The following DPYD variants were observed in gnomAD, a reference collection of about 807,000 sequenced individuals.
The protein encoded by DPYD is dihydropyrimidine dehydrogenase.
DPYD carries 109 observed loss-of-function variants against 116.2 expected under a neutral mutation model. The observed-to-expected ratio is 0.94, with a 90% CI of 0.80 to 1.10. The LOEUF is 1.10. DPYD is among the 50% of genes least tolerant of loss of function. The probability of loss-of-function intolerance (pLI) is 0.00; values close to 1 mark genes in which losing one functional copy is unlikely to be tolerated. For missense variants in DPYD, 1,302 were observed against 1,254.5 expected, an observed-to-expected ratio of 1.04 and a Z score of -0.57; for synonymous variants, 440 against 432.0, an observed-to-expected ratio of 1.02 and a Z score of -0.23.
At chr1:97,364,208 T>A (rs74105109) in intron 16 of DPYD, among the ~76,000 whole-genome samples, 45,802 of 152,032 alleles carry the variant, frequency 0.3, 7,184 homozygotes, top group East Asian at 0.55. Flanking sequence ...AAAGAAAAAA[T>A]GTTGGCAAAG....
At chr1:97,871,191 T>C (rs1671642178) in intron 2 of DPYD, among the ~76,000 whole-genome samples, 1 of 151,928 alleles carries the variant, frequency 6.6e-6, no homozygotes, top group Non-Finnish European at 1.5e-5. Context: ...TCTGCTTTAT[T>C]ATATACTACT....
intron 1 of DPYD, among the ~76,000 whole-genome samples, chr1:97,914,633 A>G (rs557778483): frequency 1.6e-4 from 24 of 152,168 alleles, no homozygotes; most frequent in Non-Finnish European, 2.5e-4. Context: ...AATAGATGTG[A>G]ATAGTCATGT....
intron 14 of DPYD, among the ~76,000 whole-genome samples, chr1:97,387,496 TTTAA>T (rs1430742120): frequency 2.6e-5 from 4 of 152,092 alleles, no homozygotes; most frequent in Non-Finnish European, 5.9e-5. Flanking sequence ...AAAAAGATAC[TTTAA>T]TTGGACCATT....
chr1:97,291,995 T>C (rs1210897659), intron 18 of DPYD, among the ~76,000 whole-genome samples: 1 of 152,168 alleles, frequency 6.6e-6, no homozygotes, highest in African/African-American at 2.4e-5. Flanking sequence ...TACACAAAAT[T>C]ATAATGCGTT....
At chr1:97,681,952 C>A (rs1434114317) in intron 7 of DPYD, among the ~76,000 whole-genome samples, 1 of 152,062 alleles carries the variant, frequency 6.6e-6, no homozygotes, top group Admixed American at 6.6e-5. Context: ...TTCAGTGCCT[C>A]TGCAGGAAGA....
chr1:97,279,878 G>A (rs1665192726), intron 18 of DPYD: 1 of 152,214 alleles, frequency 6.6e-6, no homozygotes. Context: ...ACAGGAAACT[G>A]AAAGCAAGGA....
chr1:97,244,011 C>T lies in DPYD; in HGVS notation c.2300-9017G>A, dbSNP rs1662548304. On this transcript the variant is annotated intron_variant, in intron 18 of 22. Coordinates refer to ENST00000370192, the MANE Select transcript of DPYD (RefSeq NM_000110.4). ...AATTTATGAGGAGCTTAGAAACTCACTATACTGTCCAAGACTCAAAAGATG... is the reference window on the plus strand; with the variant it reads ...AATTTATGAGGAGCTTAGAAACTCATTATACTGTCCAAGACTCAAAAGATG... 2.0e-5 allele frequency among the ~76,000 whole-genome samples: 3 copies of T among 152,004 alleles called. No individual in the cohort carries two copies. The South Asian group carries it at 6.2e-4, about 31-fold the overall frequency.
chr1:97,353,936 C>G (rs950395591), intron 16 of DPYD, among the ~76,000 whole-genome samples: 1 of 152,188 alleles, frequency 6.6e-6, no homozygotes, highest in African/African-American at 2.4e-5. Context: ...AGCACAGGCT[C>G]TTGAGCCAGA....
In DPYD at chr1:97,635,341, T is replaced by C. The variant is rs144142492; in HGVS notation, c.851-40175A>G. Among the ~76,000 whole-genome samples the C allele has an allele frequency of 5.6e-3, 857 of 152,178 alleles. 6 individuals are homozygous for C. Among genetic ancestry groups the C allele is most frequent in the Non-Finnish European group, 0.01 (712 of 67,996 alleles). On this transcript the variant is annotated intron_variant, in intron 8 of 22. Transcript: ENST00000370192. ...TTGTGAGGCACAGTCTATTCCTTAG[T>C]GTTCCATCCCTAGAGTGACGTGTCT...
chr1:97,832,801 G>C (rs1385330775), intron 2 of DPYD, among the ~76,000 whole-genome samples: 1 of 151,994 alleles, frequency 6.6e-6, no homozygotes. Context: ...CTGTGTTAAG[G>C]ATTCTATAAA....
chr1:97,711,881 C>T (rs1386699619), intron 5 of DPYD, among the ~76,000 whole-genome samples: 3 of 151,862 alleles, frequency 2.0e-5, no homozygotes, highest in Non-Finnish European at 2.9e-5. Flanking sequence ...ATATTCACAA[C>T]CATATTTTTA....
intron 3 of DPYD, among the ~76,000 whole-genome samples, chr1:97,801,297 C>T (rs1667832627): frequency 6.6e-6 from 1 of 151,806 alleles, no homozygotes; most frequent in Non-Finnish European, 1.5e-5. Flanking sequence ...AACTCCTAAC[C>T]TTTAGAACTG....
At chr1:97,876,511 C>A (rs4970721) in intron 2 of DPYD, among the ~76,000 whole-genome samples, 112,849 of 151,832 alleles carry the variant, frequency 0.74, 42,282 homozygotes, top group East Asian at 0.93. Context: ...TTTCCCATCC[C>A]AAATAGGAAC....
intron 19 of DPYD, among the ~76,000 whole-genome samples, chr1:97,197,475 T>C (rs1444076149): frequency 6.6e-6 from 1 of 152,190 alleles, no homozygotes; most frequent in Non-Finnish European, 1.5e-5. Context: ...ATTTTCATGA[T>C]TATTGTAAAA....
At chr1:97,474,876 CTT>C (rs898826386) in intron 13 of DPYD, among the ~76,000 whole-genome samples, 1 of 151,844 alleles carries the variant, frequency 6.6e-6, no homozygotes, top group African/African-American at 2.4e-5. Context: ...CTATCATTGA[CTT>C]TTGGAATTAT....
chr1:97,136,390 G>A (rs548649573), intron 20 of DPYD, among the ~76,000 whole-genome samples: 4 of 152,278 alleles, frequency 2.6e-5, no homozygotes, highest in African/African-American at 9.6e-5. Flanking sequence ...ACGAGAAAAT[G>A]AGAGGCATGT....
intron 16 of DPYD, among the ~76,000 whole-genome samples, chr1:97,316,513 CAATAAAATAAAATAAAATAA>C (rs57832711): frequency 8.9e-5 from 11 of 124,272 alleles, no homozygotes; most frequent in South Asian, 3.0e-4. Context: ...GACTCTGTCT[CAATAAAATAAAATAAAATAA>C]AATAAAATAA....
chr1:97,735,029 T>C (rs1663844507), intron 4 of DPYD, among the ~76,000 whole-genome samples: 2 of 152,178 alleles, frequency 1.3e-5, no homozygotes, highest in Admixed American at 6.5e-5. Flanking sequence ...TAAATTTATA[T>C]TTGTATTTTT....
intron 8 of DPYD, among the ~76,000 whole-genome samples, chr1:97,658,391 T>C (rs1332818367): frequency 6.6e-6 from 1 of 152,150 alleles, no homozygotes; most frequent in Non-Finnish European, 1.5e-5. Flanking sequence ...AATAATTATT[T>C]TGACTTTTAT....
Sources: allele counts gnomAD v4.1 joint callset (sites outside exome capture counted in the v4.1 genomes callset), GRCh38; gene constraint gnomAD v4.1.1; transcripts MANE v1.5; gene names NCBI Gene and HGNC (gene_info 2026-07-23, HGNC 2026-07-21).